Variants in NRXN3 observed in about 807,000 individuals in gnomAD.
NRXN3 encodes the protein neurexin III.
NRXN3 carries 32 observed loss-of-function variants against 137.6 expected under a neutral mutation model. The observed-to-expected ratio is 0.23, with a 90% CI of 0.18 to 0.31. The LOEUF (loss-of-function observed/expected upper bound fraction) is 0.31, where lower values mean the gene tolerates loss of function less well. Ranked by LOEUF, NRXN3 falls within the 10% of genes least tolerant of loss-of-function variation. The pLI, the probability that NRXN3 is intolerant of heterozygous loss-of-function variation, is 1.00. For missense variants in NRXN3, 1,574 were observed against 2,062.5 expected, an observed-to-expected ratio of 0.76 and a Z score of 4.59; for synonymous variants, 798 against 784.5, an observed-to-expected ratio of 1.02 and a Z score of -0.29.
rs1179674539 is a variant in NRXN3, at chr14:79,174,835, G to A, written c.3262+186694G>A. Among the ~76,000 whole-genome samples the A allele has an allele frequency of 3.3e-5, 5 of 151,982 alleles. No homozygotes were observed. The East Asian group carries it at 7.7e-4, about 23-fold the overall frequency. On this transcript the variant is annotated intron_variant, in intron 15 of 20. Transcript: ENST00000335750. ...AGGAAATGAGATAGTAATGGAGAAA[G>A]ATAAGAATGATGCAGGTTATTAATC... is the stretch of plus-strand genomic sequence containing the variant.
chr14:78,415,438 A>T (rs1475645354), intron 4 of NRXN3, among the ~76,000 whole-genome samples: 1 of 152,178 alleles, frequency 6.6e-6, no homozygotes, highest in African/African-American at 2.4e-5. Flanking sequence ...TTGACTGGGT[A>T]AGCCGTCCAG....
intron 4 of NRXN3, among the ~76,000 whole-genome samples, chr14:78,384,321 T>C (rs2089612485): frequency 6.6e-6 from 1 of 152,112 alleles, no homozygotes; most frequent in African/African-American, 2.4e-5. Flanking sequence ...TTCCCAATTA[T>C]GCTTCTATAG....
At chr14:78,386,287 C>G (rs1292953883) in intron 4 of NRXN3, among the ~76,000 whole-genome samples, 8 of 152,140 alleles carry the variant, frequency 5.3e-5, no homozygotes, top group Non-Finnish European at 1.0e-4. Flanking sequence ...TAGATAAAGG[C>G]AAAGAAAAAT....
chr14:78,902,563 A>G (rs1171186402), intron 10 of NRXN3, among the ~76,000 whole-genome samples: 1 of 152,068 alleles, frequency 6.6e-6, no homozygotes, highest in Non-Finnish European at 1.5e-5. Context: ...GGGGAGGAGG[A>G]GAAGTTATAA....
At chr14:78,723,895 A>G (rs1458167921) in intron 8 of NRXN3, among the ~76,000 whole-genome samples, 2 of 152,196 alleles carry the variant, frequency 1.3e-5, no homozygotes, top group Non-Finnish European at 2.9e-5. Flanking sequence ...TTGGACCATA[A>G]GAGAACATAC....
At chr14:78,941,874 G>A (rs2099353683) in intron 10 of NRXN3, among the ~76,000 whole-genome samples, 1 of 152,182 alleles carries the variant, frequency 6.6e-6, no homozygotes, top group Non-Finnish European at 1.5e-5. Context: ...GCCCTGAAGT[G>A]GCAAGGACCC....
intron 10 of NRXN3, among the ~76,000 whole-genome samples, chr14:78,929,945 C>G (rs2099317054): frequency 6.6e-6 from 1 of 152,116 alleles, no homozygotes; most frequent in African/African-American, 2.4e-5. Context: ...TGAAACAGTA[C>G]CTGTCAAGTG....
At chr14:78,921,806 A>G (rs1483644263) in intron 10 of NRXN3, among the ~76,000 whole-genome samples, 2 of 152,218 alleles carry the variant, frequency 1.3e-5, no homozygotes, top group African/African-American at 4.8e-5. Context: ...TTAAGTTTAT[A>G]CTAGTTGTAT....
At chr14:79,082,091 T>C (rs1434557243) in intron 15 of NRXN3, among the ~76,000 whole-genome samples, 1 of 151,574 alleles carries the variant, frequency 6.6e-6, no homozygotes, top group Non-Finnish European at 1.5e-5. Flanking sequence ...TATATACACA[T>C]ACTTATATAT....
intron 10 of NRXN3, among the ~76,000 whole-genome samples, chr14:78,917,441 G>T (rs2099258496): frequency 6.6e-6 from 1 of 152,118 alleles, no homozygotes; most frequent in South Asian, 2.1e-4. Flanking sequence ...ACCTGCACAT[G>T]TACCCTTAAA....
At chr14:79,851,718 T>A (rs2099391817) in intron 20 of NRXN3, among the ~76,000 whole-genome samples, 1 of 152,268 alleles carries the variant, frequency 6.6e-6, no homozygotes, top group Non-Finnish European at 1.5e-5. Context: ...TAATACTGAA[T>A]ATAACTCTTG....
chr14:78,803,559 G>A (rs1474524541), intron 8 of NRXN3, 61 bp from the exon 9 acceptor site: 1 of 1,498,082 alleles, frequency 6.7e-7, no homozygotes, highest in South Asian at 1.1e-5. Flanking sequence ...TGAAAGCAAA[G>A]GGGTATTTGG....
intron 10 of NRXN3, among the ~76,000 whole-genome samples, chr14:78,872,034 A>T (rs1291613171): frequency 6.6e-6 from 1 of 151,874 alleles, no homozygotes; most frequent in Non-Finnish European, 1.5e-5. Flanking sequence ...CCCCACCTCA[A>T]TCCAGAGCTA....
intron 4 of NRXN3, among the ~76,000 whole-genome samples, chr14:78,512,452 C>A (rs1008336724): frequency 1.3e-5 from 2 of 152,132 alleles, no homozygotes; most frequent in African/African-American, 4.8e-5. Flanking sequence ...CATCACATGG[C>A]CCCACCTAAC....
At chr14:78,553,882 T>C (rs1366468450) in intron 4 of NRXN3, among the ~76,000 whole-genome samples, 4 of 152,146 alleles carry the variant, frequency 2.6e-5, no homozygotes, top group East Asian at 1.9e-4. Flanking sequence ...GGCAATAAGG[T>C]GGAGGGGCAG....
intron 4 of NRXN3, among the ~76,000 whole-genome samples, chr14:78,518,728 G>T (rs2096246696): frequency 6.6e-6 from 1 of 152,010 alleles, no homozygotes; most frequent in Non-Finnish European, 1.5e-5. Flanking sequence ...CTATAAAATG[G>T]TGAGATCATA....
At chr14:79,805,401 A>G (rs2099200395) in intron 20 of NRXN3, among the ~76,000 whole-genome samples, 1 of 152,110 alleles carries the variant, frequency 6.6e-6, no homozygotes, top group African/African-American at 2.4e-5. Flanking sequence ...AAGATCCTAC[A>G]AAAATTAAGT....
At chr14:79,405,514 C>G (rs1377806370) in intron 15 of NRXN3, among the ~76,000 whole-genome samples, 1 of 152,106 alleles carries the variant, frequency 6.6e-6, no homozygotes, top group Non-Finnish European at 1.5e-5. Context: ...CTTGATCCTT[C>G]TATTTGTAAA....
intron 8 of NRXN3, among the ~76,000 whole-genome samples, chr14:78,780,638 G>A (rs2098765817): frequency 6.6e-6 from 1 of 152,072 alleles, no homozygotes; most frequent in African/African-American, 2.4e-5. Context: ...AATGAGCAAA[G>A]GATATGAATA....
Sources: gnomAD v4.1 joint callset for allele counts (sites outside exome capture counted in the v4.1 genomes callset) on GRCh38, gnomAD v4.1.1 for gene constraint, MANE v1.5 for transcripts, NCBI Gene and HGNC (gene_info 2026-07-23, HGNC 2026-07-21) for gene names.